The following HEATR5B variants were observed in gnomAD, a reference collection of about 807,000 sequenced individuals.
HEATR5B encodes HEAT repeat containing 5B.
HEATR5B carries 156 observed loss-of-function variants against 224.1 expected under a neutral mutation model. The ratio of observed to expected loss-of-function variants is 0.70; its 90% CI spans 0.61 to 0.80. The LOEUF (loss-of-function observed/expected upper bound fraction) is 0.80. HEATR5B is among the 30% of genes least tolerant of loss of function. HEATR5B has a pLI of 0.00. For synonymous variants in HEATR5B, 1,027 were observed against 893.0 expected (o/e 1.15, Z -2.68); for missense variants, 2,323 against 2,535.5 (o/e 0.92, Z 1.80).
intron 18 of HEATR5B, among the ~76,000 whole-genome samples, chr2:37,044,363 G>C (rs1380339316): frequency 6.6e-6 from 1 of 152,192 alleles, no homozygotes; most frequent in Non-Finnish European, 1.5e-5. Context: ...AATGAAATCA[G>C]ATAGTACCTA....
At chr2:37,049,871 GAC>G in intron 17 of HEATR5B, 28 bp from the exon 18 acceptor site, 1 of 979,460 alleles carries the variant, frequency 1.0e-6, no homozygotes, top group Non-Finnish European at 1.4e-6. Context: ...AAAAAAAAAA[GAC>G]AGCAATTCAT....
intron 18 of HEATR5B, 128 bp from the exon 19 acceptor site, chr2:37,041,420 C>T: frequency 1.2e-6 from 1 of 802,344 alleles, no homozygotes; most frequent in South Asian, 1.8e-5. Flanking sequence ...TTACTTCTTT[C>T]TCCACTCCCT....
Position 37,038,909 on chromosome 2 carries a change from G to GC in HEATR5B, c.3047-886_3047-885insG, listed in dbSNP as rs1553313617. Among the ~76,000 whole-genome samples, 9 of 129,810 alleles carry GC rather than the reference G, an allele frequency of 6.9e-5. No homozygotes were observed. The East Asian group carries it at 9.3e-4, about 13-fold the overall frequency. 85.2% of individuals were successfully genotyped at this position (129,810 alleles called of 152,430 possible). ...AGCAAGACTCTGTCTCCCTGGGGTG[G>GC]GGGGGGTGGGGAATCACATATTTTT... On this transcript the variant is annotated intron_variant, in intron 20 of 35. Transcript: ENST00000233099.
intron 33 of HEATR5B, among the ~76,000 whole-genome samples, chr2:36,998,747 G>C (rs1340142603): frequency 3.3e-5 from 5 of 152,040 alleles, no homozygotes; most frequent in Admixed American, 3.3e-4. Flanking sequence ...AAAAGTTATT[G>C]TTGAGTCACA....
At position 37,020,712 on chromosome 2, in the gene HEATR5B, C is replaced by G. The variant is rs775415181; in HGVS notation, c.3978G>C (p.Ala1326=). The G allele has an allele frequency of 6.2e-7, 1 of 1,608,200 alleles. No individual in the cohort carries two copies. The highest frequency in any genetic ancestry group is 8.5e-7 in the Non-Finnish European group (1 of 1,178,794). The part of the protein sequence containing the change: ...QALEDIIKKF[A]SVPEPEFPGH... The stretch of plus-strand genomic sequence containing the variant: ...CTGGAAATTCTGGCTCAGGCACAGA[C>G]GCAAACTTCTTGATAATGTCTTCAA... Residue 1326 remains alanine, a synonymous_variant, in exon 25 of 36, where the codon GCG becomes GCC. Transcript: ENST00000233099.
intron 21 of HEATR5B, among the ~76,000 whole-genome samples, chr2:37,035,644 A>G (rs556361035): frequency 6.6e-6 from 1 of 152,032 alleles, no homozygotes; most frequent in African/African-American, 2.4e-5. Context: ...TCCTTCTTTA[A>G]TCTCTCTTAA....
intron 4 of HEATR5B, 186 bp from the exon 5 acceptor site, chr2:37,075,820 T>C (rs1227198963): frequency 1.2e-5 from 5 of 408,762 alleles, no homozygotes; most frequent in Non-Finnish European, 2.1e-5. Flanking sequence ...GTCAATTAAA[T>C]AATATCTTTC....
At chr2:36,984,231 T>C (rs1319662376) in intron 35 of HEATR5B, among the ~76,000 whole-genome samples, 1 of 96,320 alleles carries the variant, frequency 1.0e-5, no homozygotes, top group African/African-American at 3.8e-5. Flanking sequence ...TATATATATA[T>C]ATATATAAAA....
At chr2:37,034,455 T>C (rs1222571907) in intron 21 of HEATR5B, among the ~76,000 whole-genome samples, 2 of 141,352 alleles carry the variant, frequency 1.4e-5, no homozygotes, top group Non-Finnish European at 3.1e-5. Flanking sequence ...CTACTAAAAA[T>C]ACAAAAAATT....
At chr2:36,999,022 G>C (rs2148363586) in intron 33 of HEATR5B, among the ~76,000 whole-genome samples, 1 of 152,210 alleles carries the variant, frequency 6.6e-6, no homozygotes, top group South Asian at 2.1e-4. Flanking sequence ...AGACCAGGCT[G>C]GCCAACATGG....
chr2:37,021,121 A>G (rs1041224386), intron 24 of HEATR5B, among the ~76,000 whole-genome samples: 4 of 151,338 alleles, frequency 2.6e-5, no homozygotes, highest in African/African-American at 4.9e-5. Flanking sequence ...TGATCCTTTA[A>G]GAACAAAGGC....
rs747897973 is a variant in HEATR5B at position 37,028,098 on chromosome 2, G to T, written c.3678C>A (p.Thr1226=). The stretch of plus-strand genomic sequence containing the variant: ...CTTCTTCACCTAACGTGGTAAACAT[G>T]GTATCATCATCCATCTCATCTTTCT... ...AEKKDEMDDD[T]MFTTLGEEDK... is the part of the protein sequence containing the mutation. Residue 1226 remains threonine, a synonymous_variant, in exon 24 of 36, where the codon ACC becomes ACA. Transcript: ENST00000233099. The T allele has an allele frequency of 8.7e-6, 14 of 1,613,118 alleles. No homozygotes were observed. Among genetic ancestry groups the T allele is most frequent in the Non-Finnish European group, 1.2e-5 (14 of 1,179,278 alleles).
At chr2:37,000,033 A>AAACC (rs1666987289) in intron 33 of HEATR5B, among the ~76,000 whole-genome samples, 1 of 151,780 alleles carries the variant, frequency 6.6e-6, no homozygotes, top group Non-Finnish European at 1.5e-5. Flanking sequence ...ACAAACAAAC[A>AAACC]AAAACCCCAA....
Position 37,065,905 on chromosome 2 carries a change from C to A in HEATR5B, c.1183G>T (p.Val395Leu), listed in dbSNP as rs1376838222. The A allele has an allele frequency of 1.2e-6, 2 of 1,604,502 alleles. No homozygotes were observed. The highest frequency in any genetic ancestry group is 3.4e-5 in the Admixed American group (2 of 59,562). The change falls in exon 9 of 36, where the codon GTA (valine) becomes TTA (leucine). Residue 395 changes from valine (V) to leucine (L), a missense_variant. Transcript: ENST00000233099. ...IGKQMKAVEA[V>L]VNDTSGENKS... Reference sequence around the variant, plus strand: ...TTTTCTCCACTTGTGTCATTCACTACTGCTTCTGGAAACACAAAATCATGT... The same window carrying A: ...TTTTCTCCACTTGTGTCATTCACTAATGCTTCTGGAAACACAAAATCATGT...
chr2:37,007,406 C>T (rs889048243), intron 28 of HEATR5B, 102 bp from the exon 29 acceptor site: 16 of 1,276,634 alleles, frequency 1.3e-5, no homozygotes, highest in African/African-American at 1.7e-5. Flanking sequence ...TGCAATGGTG[C>T]GATCTTGGCT....
chr2:37,036,516 GTT>G (rs72243792), intron 21 of HEATR5B, among the ~76,000 whole-genome samples: 50,017 of 148,522 alleles, frequency 0.34, 8,624 homozygotes, highest in African/African-American at 0.37. Context: ...AATATCAATT[GTT>G]TTTTTTTTTT....
rs780158015 is a variant in HEATR5B at position 37,049,703 on chromosome 2, C to T, written c.2646G>A (p.Val882=). The T allele has an allele frequency of 3.1e-5, 50 of 1,613,926 alleles. No homozygotes were observed. In the Admixed American group the frequency reaches 3.7e-4, roughly 12 times the overall value. Residue 882 remains valine (V), a synonymous_variant, in exon 18 of 36, where the codon GTG becomes GTA. Coordinates refer to ENST00000233099, the MANE Select transcript of HEATR5B (RefSeq NM_019024.3). ...TAGCAATAAAAGTTGCTTCTCCAAC[C>T]ACCTGAGCCATTCTTCCAAGAGCTT... The part of the protein sequence containing the change: ...AGEALGRMAQ[V]VGEATFIARM...
intron 35 of HEATR5B, among the ~76,000 whole-genome samples, chr2:36,988,399 A>ATTATAGG (rs1666090601): frequency 6.6e-6 from 1 of 151,962 alleles, no homozygotes; most frequent in Non-Finnish European, 1.5e-5. Context: ...AGTAGCTGGG[A>ATTATAGG]CAGCAGGTGT....
At chr2:37,047,107 G>T (rs1193725658) in intron 18 of HEATR5B, among the ~76,000 whole-genome samples, 1 of 149,586 alleles carries the variant, frequency 6.7e-6, no homozygotes, top group African/African-American at 2.5e-5. Flanking sequence ...TACTCAAGAG[G>T]CTGAGGTGAG....
Sources: gnomAD v4.1 joint callset for allele counts (sites outside exome capture counted in the v4.1 genomes callset) on GRCh38, gnomAD v4.1.1 for gene constraint, MANE v1.5 for transcripts, NCBI Gene and HGNC (gene_info 2026-07-23, HGNC 2026-07-21) for gene names.